The following PBX1 variants were observed in gnomAD, a reference collection of about 807,000 sequenced individuals.
PBX1 encodes PBX homeobox 1.
In PBX1, 6 loss-of-function variants were observed where a neutral mutation model predicts 53.4. That is an observed-to-expected ratio of 0.11 (90% confidence interval 0.06 to 0.22). The LOEUF (loss-of-function observed/expected upper bound fraction) is 0.22, where lower values mean the gene tolerates loss of function less well. Among genes scored for constraint, PBX1 ranks in the 10% least tolerant of loss-of-function variants. PBX1 has a pLI of 1.00. For synonymous variants in PBX1, 204 were observed against 212.3 expected, an observed-to-expected ratio of 0.96 and a Z score of 0.34; for missense variants, 251 against 551.4, an observed-to-expected ratio of 0.46 and a Z score of 5.46.
intron 2 of PBX1, among the ~76,000 whole-genome samples, chr1:164,761,634 G>A (rs1012908431): frequency 2.0e-5 from 3 of 152,148 alleles, no homozygotes; most frequent in Admixed American, 6.5e-5. Flanking sequence ...TAGTAGAGAC[G>A]GGGTTTCACC....
chr1:164,876,113 G>A (rs1230823013), intron 2 of PBX1, among the ~76,000 whole-genome samples: 1 of 150,908 alleles, frequency 6.6e-6, no homozygotes, highest in African/African-American at 2.4e-5. Context: ...ACAAACCCTT[G>A]AATATTCCAT....
chr1:164,586,355 G>A (rs1480924511), intron 2 of PBX1, among the ~76,000 whole-genome samples: 4 of 152,212 alleles, frequency 2.6e-5, no homozygotes, highest in Non-Finnish European at 5.9e-5. Flanking sequence ...GACTGGGCAC[G>A]TGATGAATGT....
At chr1:164,813,772 A>G (rs1016527648) in intron 6 of PBX1, 1 of 152,224 alleles carries the variant, frequency 6.6e-6, no homozygotes, top group Non-Finnish European at 1.5e-5. Flanking sequence ...GACTTTCTTC[A>G]TTACTAAATT....
At chr1:164,835,177 G>A (rs1670971757) in intron 8 of PBX1, among the ~76,000 whole-genome samples, 1 of 151,160 alleles carries the variant, frequency 6.6e-6, no homozygotes, top group South Asian at 2.1e-4. Context: ...CTGTTATAGG[G>A]AAAGTCCACA....
chr1:164,788,050 G>A (rs1329443334), intron 2 of PBX1, among the ~76,000 whole-genome samples: 2 of 149,386 alleles, frequency 1.3e-5, no homozygotes, highest in Non-Finnish European at 3.0e-5. Context: ...ACCTATTTCA[G>A]AAAAAAGCTG....
At chr1:164,588,946 C>G (rs1055480086) in intron 2 of PBX1, among the ~76,000 whole-genome samples, 21 of 152,180 alleles carry the variant, frequency 1.4e-4, no homozygotes, top group Middle Eastern at 3.4e-3. Context: ...TTTTTTGAGG[C>G]TCCAGCGGCG....
chr1:164,682,250 T>G (rs1661818807), intron 2 of PBX1: 1 of 152,240 alleles, frequency 6.6e-6, no homozygotes, highest in Admixed American at 6.5e-5. Flanking sequence ...CTGGTTGTTC[T>G]GAATTGGAGA....
chr1:164,709,602 C>T (rs115176356), intron 2 of PBX1, among the ~76,000 whole-genome samples: 1,789 of 151,950 alleles, frequency 0.012, 42 homozygotes, highest in African/African-American at 0.041. Flanking sequence ...CCACCCACTG[C>T]AATTTCTTGC....
At chr1:164,694,324 A>G in intron 2 of PBX1, among the ~76,000 whole-genome samples, 1 of 152,154 alleles carries the variant, frequency 6.6e-6, no homozygotes, top group East Asian at 1.9e-4. Flanking sequence ...AAGTATTCGT[A>G]TGCCTGCATT....
At chr1:164,884,275 G>T (rs1672727716) in intron 2 of PBX1, among the ~76,000 whole-genome samples, 1 of 152,152 alleles carries the variant, frequency 6.6e-6, no homozygotes, top group African/African-American at 2.4e-5. Flanking sequence ...TTATCATGGA[G>T]ATTTTTTTCC....
In PBX1 at chr1:164,877,662, C is replaced by CA. The variant is rs879590345; in HGVS notation, n.258-21514dup. On this transcript the variant is annotated intron_variant and non_coding_transcript_variant, in intron 2 of 2. Transcript: ENST00000558796. ...TGGGCATTGGAATGAGACCTTGTCT[C>CA]AAAAAAAAAAAAGTAGTTCAAGTGT... Among the ~76,000 whole-genome samples, 789 of 138,906 alleles carry CA rather than the reference C, an allele frequency of 5.7e-3. 5 individuals are homozygous for CA. The highest frequency in any genetic ancestry group is 0.018 in the African/African-American group (669 of 37,804). 91.1% of individuals were successfully genotyped at this position (138,906 alleles called of 152,430 possible).
At chr1:164,836,749 A>G (rs975254131) in intron 8 of PBX1, among the ~76,000 whole-genome samples, 1 of 152,216 alleles carries the variant, frequency 6.6e-6, no homozygotes, top group Non-Finnish European at 1.5e-5. Flanking sequence ...ATTTGAGTGC[A>G]TTAAGCAGCA....
intron 2 of PBX1, chr1:164,769,171 T>A (rs1265718356): frequency 2.6e-5 from 4 of 152,230 alleles, no homozygotes; most frequent in Non-Finnish European, 4.4e-5. Flanking sequence ...GACTCCCTTA[T>A]AAATACATCG....
intron 2 of PBX1, among the ~76,000 whole-genome samples, chr1:164,655,606 A>G (rs1660123018): frequency 6.6e-6 from 1 of 152,060 alleles, no homozygotes; most frequent in African/African-American, 2.4e-5. Flanking sequence ...CAGTGTGAAT[A>G]TTTCTGGTAA....
intron 2 of PBX1, among the ~76,000 whole-genome samples, chr1:164,754,517 C>T (rs920004087): frequency 5.9e-5 from 9 of 152,206 alleles, no homozygotes; most frequent in Admixed American, 3.3e-4. Context: ...TGTTTCAACA[C>T]GTAAAACTGG....
chr1:164,872,187 A>G (rs1672399151), intron 2 of PBX1, among the ~76,000 whole-genome samples: 1 of 152,166 alleles, frequency 6.6e-6, no homozygotes, highest in African/African-American at 2.4e-5. Flanking sequence ...AGGGCATAGT[A>G]AGCACTCTAC....
chr1:164,771,454 C>CA (rs1667366785), intron 2 of PBX1: 1 of 151,988 alleles, frequency 6.6e-6, no homozygotes, highest in South Asian at 2.1e-4. Flanking sequence ...GGTTCCCTTG[C>CA]CGCTCTGTCT....
chr1:164,655,957 A>G (rs1660140200), intron 2 of PBX1, among the ~76,000 whole-genome samples: 1 of 152,230 alleles, frequency 6.6e-6, no homozygotes, highest in Non-Finnish European at 1.5e-5. Context: ...GAAGGCATGT[A>G]GGATAGGTAT....
At chr1:164,840,751 A>T (rs919788877) in intron 8 of PBX1, among the ~76,000 whole-genome samples, 3 of 152,216 alleles carry the variant, frequency 2.0e-5, no homozygotes, top group Admixed American at 6.5e-5. Flanking sequence ...CCCTGATGCC[A>T]GTTTAGTAAG....
Sources: gnomAD v4.1 joint callset for allele counts (sites outside exome capture counted in the v4.1 genomes callset) on GRCh38, gnomAD v4.1.1 for gene constraint, MANE v1.5 for transcripts, NCBI Gene and HGNC (gene_info 2026-07-23, HGNC 2026-07-21) for gene names.